The following DYM variants were observed in gnomAD, a reference collection of about 807,000 sequenced individuals.
DYM encodes the protein dymeclin, also known as dyggve-Melchior-Clausen syndrome protein.
Under a neutral mutation model 93.1 loss-of-function variants are expected in DYM, and 78 were observed. The ratio of observed to expected loss-of-function variants is 0.84; its 90% CI spans 0.70 to 1.01. DYM has a LOEUF of 1.01. Ranked by LOEUF, DYM falls within the 50% of genes least tolerant of loss-of-function variation. The pLI is 0.00. For synonymous variants in DYM, 321 were observed against 319.7 expected (o/e 1.00, Z -0.04); for missense variants, 789 against 845.0 (o/e 0.93, Z 0.82).
chr18:49,142,014 C>T (rs974210318), intron 15 of DYM, among the ~76,000 whole-genome samples: 101 of 150,446 alleles, frequency 6.7e-4, no homozygotes, highest in Non-Finnish European at 5.7e-4. Flanking sequence ...CCACCACGCC[C>T]GGCTAATTTT....
intron 15 of DYM, among the ~76,000 whole-genome samples, chr18:49,132,359 TTAAA>T (rs567557610): frequency 7.1e-4 from 108 of 152,158 alleles, no homozygotes; most frequent in African/African-American, 2.1e-3. Flanking sequence ...CATTGACAAC[TTAAA>T]TAAAGGAAAA....
Position 49,272,298 on chromosome 18 carries a change from T to C in DYM, c.1131A>G (p.Leu377=), listed in dbSNP as rs760595140. The change falls in exon 11 of 18, where the codon TTA becomes TTG. Residue 377 remains leucine (L), a synonymous_variant. Coordinates refer to ENST00000675505, the MANE Select transcript of DYM (RefSeq NM_001353214.3). ...LARTDMENLV[L]PILEILYHVE... ...CATGATACAGAATCTCAAGAATTGG[T>C]AAAACCTAGAGAATAAAAATTATAA... is the stretch of plus-strand genomic sequence containing the variant. 1.3e-6 allele frequency: 2 copies of C among 1,534,658 alleles called. No individual in the cohort carries two copies. Among genetic ancestry groups the C allele is most frequent in the Non-Finnish European group, 1.8e-6 (2 of 1,108,674 alleles).
intron 13 of DYM, among the ~76,000 whole-genome samples, chr18:49,212,870 T>C (rs572571831): frequency 6.6e-6 from 1 of 152,274 alleles, no homozygotes; most frequent in African/African-American, 2.4e-5. Flanking sequence ...ATTTTAAGAT[T>C]ATGAGATTCA....
intron 13 of DYM, among the ~76,000 whole-genome samples, chr18:49,227,328 A>G (rs573182051): frequency 3.9e-4 from 60 of 152,326 alleles, no homozygotes; most frequent in African/African-American, 1.4e-3. Flanking sequence ...AATAAGGCCA[A>G]TTCTGCTGAG....
chr18:49,390,608 A>G (rs2069126648), intron 3 of DYM: 1 of 151,896 alleles, frequency 6.6e-6, no homozygotes, highest in African/African-American at 2.4e-5. Flanking sequence ...CCCGGGTTCA[A>G]GCAATTCTCT....
intron 8 of DYM, among the ~76,000 whole-genome samples, chr18:49,311,473 A>T (rs2061582636): frequency 6.6e-6 from 1 of 152,222 alleles, no homozygotes; most frequent in Non-Finnish European, 1.5e-5. Context: ...ACTTGGAACC[A>T]ACCTAAATGT....
At chr18:49,068,524 G>C (rs1217022257) in intron 17 of DYM, among the ~76,000 whole-genome samples, 1 of 152,182 alleles carries the variant, frequency 6.6e-6, no homozygotes, top group East Asian at 1.9e-4. Context: ...AGGAGCTCCA[G>C]AGAATATTGT....
chr18:49,243,438 G>C (rs1433286537), intron 13 of DYM, among the ~76,000 whole-genome samples: 2 of 152,132 alleles, frequency 1.3e-5, no homozygotes, highest in African/African-American at 4.8e-5. Context: ...GCCAAGGATG[G>C]TGGATCACTT....
At chr18:49,316,557 A>G (rs1260940238) in intron 8 of DYM, among the ~76,000 whole-genome samples, 1 of 152,238 alleles carries the variant, frequency 6.6e-6, no homozygotes, top group Non-Finnish European at 1.5e-5. Context: ...ATGATAGTAA[A>G]TCCACACAGA....
At position 49,331,960 on chromosome 18, in the gene DYM, T is replaced by TA; in HGVS notation, c.666dup (p.Ile223TyrfsTer95). 6.2e-7 allele frequency: 1 copy of TA among 1,614,010 alleles called. No homozygotes were observed. The highest frequency in any genetic ancestry group is 2.2e-5 in the East Asian group (1 of 44,866). ...GGAGGAGGTGGCTTTTCTTGTCTGA[T>TA]AAAGTTATATAATAAGGTCTTCACA... On this transcript the variant is annotated frameshift_variant, in exon 8 of 18. Transcript: ENST00000675505. LOFTEE classifies it high-confidence loss of function.
At chr18:49,361,211 C>T (rs1004626222) in intron 6 of DYM, among the ~76,000 whole-genome samples, 4 of 152,188 alleles carry the variant, frequency 2.6e-5, no homozygotes, top group Non-Finnish European at 5.9e-5. Context: ...GTCCCATTTC[C>T]TTCCCTAGGC....
chr18:49,200,570 G>A (rs2091907109), intron 14 of DYM, among the ~76,000 whole-genome samples: 1 of 151,348 alleles, frequency 6.6e-6, no homozygotes, highest in African/African-American at 2.4e-5. Flanking sequence ...GAGTTGATAG[G>A]ATATAGTTTA....
At chr18:49,109,766 G>C (rs1351907610) in intron 16 of DYM, among the ~76,000 whole-genome samples, 32 of 152,200 alleles carry the variant, frequency 2.1e-4, no homozygotes. Context: ...TCTTAGAGTG[G>C]TCAGTAACCA....
chr18:49,336,449 G>A (rs2063685102), intron 6 of DYM, among the ~76,000 whole-genome samples: 1 of 152,136 alleles, frequency 6.6e-6, no homozygotes, highest in Admixed American at 6.5e-5. Flanking sequence ...GTTTGATGCT[G>A]GGAGGTAAGG....
intron 8 of DYM, 66 bp downstream of exon 8, chr18:49,331,798 T>A (rs1283906665): frequency 1.9e-6 from 3 of 1,586,116 alleles, no homozygotes; most frequent in Non-Finnish European, 2.6e-6. Context: ...GCAAACAGAA[T>A]TTCTTATGCC....
At chr18:49,295,552 A>G (rs572535052) in intron 8 of DYM, among the ~76,000 whole-genome samples, 1 of 152,158 alleles carries the variant, frequency 6.6e-6, no homozygotes, top group African/African-American at 2.4e-5. Flanking sequence ...TGCAGGAGGA[A>G]TGGTAAAACA....
chr18:49,038,516 C>A lies in DYM; in HGVS notation c.*5539G>T, dbSNP rs2070786481. Among the ~76,000 whole-genome samples, 1 of 152,166 alleles carries A rather than the reference C, an allele frequency of 6.6e-6. No homozygotes were observed. The highest frequency in any genetic ancestry group is 2.1e-4 in the South Asian group (1 of 4,830). ...TACTGTTTGCTGGGTATGTATTTCT[C>A]CATCTTTTTCTTCCAAAATTTCTAA... On this transcript the variant is annotated 3_prime_UTR_variant, in exon 18 of 18. Transcript: ENST00000675505.
In DYM at chr18:49,038,475, C is replaced by G. The variant is rs1404754592; in HGVS notation, c.*5580G>C. Among the ~76,000 whole-genome samples, 1 of 152,122 alleles carries G rather than the reference C, an allele frequency of 6.6e-6. No individual in the cohort carries two copies. Among genetic ancestry groups the G allele is most frequent in the Non-Finnish European group, 1.5e-5 (1 of 68,016 alleles). On this transcript the variant is annotated 3_prime_UTR_variant, in exon 18 of 18. Coordinates refer to ENST00000675505, the MANE Select transcript of DYM (RefSeq NM_001353214.3). ...TAAAGTTTACTTAAATATATCTACACCAGTTTCCTCATGGTTACTGTTTGC... is the reference window on the plus strand; with the variant it reads ...TAAAGTTTACTTAAATATATCTACAGCAGTTTCCTCATGGTTACTGTTTGC...
intron 17 of DYM, among the ~76,000 whole-genome samples, chr18:49,084,343 T>A (rs2078309054): frequency 6.6e-6 from 1 of 152,206 alleles, no homozygotes; most frequent in African/African-American, 2.4e-5. Flanking sequence ...ATTTCAATCC[T>A]TTCAAATCTG....
Sources: gnomAD v4.1 joint callset for allele counts (sites outside exome capture counted in the v4.1 genomes callset) on GRCh38, gnomAD v4.1.1 for gene constraint, MANE v1.5 for transcripts, NCBI Gene and HGNC (gene_info 2026-07-23, HGNC 2026-07-21) for gene names.